The following TMTC1 variants were observed in gnomAD, a reference collection of about 807,000 sequenced individuals.
The protein encoded by TMTC1 is protein O-mannosyl-transferase TMTC1.
Under a neutral mutation model 104.8 loss-of-function variants are expected in TMTC1, and 73 were observed. That is an observed-to-expected ratio of 0.70 (90% CI 0.58 to 0.85). The LOEUF (loss-of-function observed/expected upper bound fraction) is 0.85, where lower values mean the gene tolerates loss of function less well. TMTC1 is among the 40% of genes least tolerant of loss of function. The probability of loss-of-function intolerance (pLI) is 0.00; values close to 1 mark genes in which losing one functional copy is unlikely to be tolerated. For missense variants in TMTC1, 1,035 were observed against 1,096.1 expected (o/e 0.94, Z 0.79); for synonymous variants, 434 against 428.7 (o/e 1.01, Z -0.15).
At chr12:29,550,156 G>GA (rs370985972) in intron 10 of TMTC1, among the ~76,000 whole-genome samples, 34 of 149,672 alleles carry the variant, frequency 2.3e-4, no homozygotes, top group Admixed American at 1.5e-3. Context: ...GTATGATAAT[G>GA]AAAAAAAAAA....
chr12:29,724,069 C>T (rs759342788), intron 5 of TMTC1, among the ~76,000 whole-genome samples: 18 of 152,048 alleles, frequency 1.2e-4, no homozygotes, highest in Non-Finnish European at 2.1e-4. Context: ...ACATTAACGA[C>T]CCTAAGAAAA....
intron 11 of TMTC1, chr12:29,521,048 G>A (rs1326866613): frequency 5.5e-6 from 1 of 182,198 alleles, no homozygotes; most frequent in Non-Finnish European, 1.1e-5. Flanking sequence ...GTTCGAATAG[G>A]ATGCCCTTCA....
rs566011954 is a variant in TMTC1 at position 29,516,127 on chromosome 12, A to G, written c.2307+222T>C. ...TGAAAACAAACTAAGACAATACCACATAAAAGCTTTACACCAAAGATAAGC... is the reference window on the plus strand; with the variant it reads ...TGAAAACAAACTAAGACAATACCACGTAAAAGCTTTACACCAAAGATAAGC... On this transcript the variant is annotated intron_variant, in intron 15 of 17. Transcript: ENST00000539277. Among the ~76,000 whole-genome samples the G allele has an allele frequency of 4.6e-5, 7 of 152,316 alleles. No individual in the cohort carries two copies. In the East Asian group the frequency reaches 9.7e-4, roughly 21 times the overall value.
At chr12:29,575,106 A>G (rs531503800) in intron 8 of TMTC1, among the ~76,000 whole-genome samples, 72 of 152,272 alleles carry the variant, frequency 4.7e-4, no homozygotes, top group Admixed American at 1.6e-3. Context: ...AAGATCACAC[A>G]GCTAGCAAGT....
At chr12:29,756,157 A>T (rs1340006639) in intron 3 of TMTC1, among the ~76,000 whole-genome samples, 1 of 152,252 alleles carries the variant, frequency 6.6e-6, no homozygotes, top group African/African-American at 2.4e-5. Context: ...ATATGAAAAG[A>T]TGTTTAAGTG....
chr12:29,597,139 T>G (rs1380632069), intron 7 of TMTC1, among the ~76,000 whole-genome samples: 1 of 152,180 alleles, frequency 6.6e-6, no homozygotes, highest in Non-Finnish European at 1.5e-5. Context: ...GCCCTCTCAG[T>G]GTCCAGGGCC....
At chr12:29,751,562 C>G in intron 5 of TMTC1, 104 bp downstream of exon 5, 1 of 1,183,932 alleles carries the variant, frequency 8.4e-7, no homozygotes, top group Non-Finnish European at 1.3e-6. Flanking sequence ...AGAGGGAGGT[C>G]ACAGTGTGCT....
intron 7 of TMTC1, among the ~76,000 whole-genome samples, chr12:29,588,435 T>C (rs1039270007): frequency 6.6e-6 from 1 of 152,224 alleles, no homozygotes; most frequent in Non-Finnish European, 1.5e-5. Flanking sequence ...CCCCTGTTCC[T>C]CTAGCCCCAG....
intron 5 of TMTC1, among the ~76,000 whole-genome samples, chr12:29,735,536 T>G (rs1222261308): frequency 1.3e-5 from 2 of 152,232 alleles, no homozygotes; most frequent in Non-Finnish European, 2.9e-5. Context: ...TGCAGAATTA[T>G]TTATTGGAAT....
chr12:29,735,141 C>T (rs956200090), intron 5 of TMTC1, among the ~76,000 whole-genome samples: 15 of 152,210 alleles, frequency 9.9e-5, no homozygotes, highest in African/African-American at 3.6e-4. Flanking sequence ...AGCATATAGA[C>T]CTGCATGAAG....
At chr12:29,726,701 T>C (rs1301606074) in intron 5 of TMTC1, among the ~76,000 whole-genome samples, 1 of 152,000 alleles carries the variant, frequency 6.6e-6, no homozygotes, top group Admixed American at 6.6e-5. Context: ...AAAAATTCCA[T>C]CCCTGGTTAA....
chr12:29,681,938 C>T (rs1399991525), intron 5 of TMTC1, among the ~76,000 whole-genome samples: 1 of 152,068 alleles, frequency 6.6e-6, no homozygotes, highest in Admixed American at 6.5e-5. Flanking sequence ...GGGTTTATTA[C>T]ACTTATTTTA....
chr12:29,764,340 A>G (rs754302788), intron 2 of TMTC1, among the ~76,000 whole-genome samples: 2 of 152,174 alleles, frequency 1.3e-5, no homozygotes, highest in African/African-American at 4.8e-5. Context: ...TACTATATGT[A>G]TAAGGCTATT....
intron 6 of TMTC1, among the ~76,000 whole-genome samples, chr12:29,606,089 C>T (rs1393107849): frequency 6.6e-6 from 1 of 152,190 alleles, no homozygotes; most frequent in Non-Finnish European, 1.5e-5. Context: ...ATATGTACTA[C>T]AATTTCCTTA....
intron 8 of TMTC1, among the ~76,000 whole-genome samples, chr12:29,580,586 A>G (rs1003899511): frequency 6.6e-6 from 1 of 152,184 alleles, no homozygotes; most frequent in Non-Finnish European, 1.5e-5. Flanking sequence ...GGAATGGTCT[A>G]TGGTTTATTG....
intron 15 of TMTC1, 63 bp from the exon 16 acceptor site, chr12:29,514,667 T>G (rs1486551281): frequency 6.5e-7 from 1 of 1,530,920 alleles, no homozygotes; most frequent in African/African-American, 1.4e-5. Context: ...CTTATTTAAC[T>G]GATCAAATTT....
chr12:29,756,392 T>C (rs1943217149), intron 3 of TMTC1, among the ~76,000 whole-genome samples: 1 of 152,206 alleles, frequency 6.6e-6, no homozygotes, highest in African/African-American at 2.4e-5. Context: ...ATCACCATCA[T>C]CATTATGGTA....
chr12:29,624,331 C>T (rs1937856171), intron 6 of TMTC1, among the ~76,000 whole-genome samples: 1 of 152,114 alleles, frequency 6.6e-6, no homozygotes, highest in Non-Finnish European at 1.5e-5. Flanking sequence ...CTTGGGCCCA[C>T]CAAGAAGAAA....
At chr12:29,678,199 C>T (rs899889520) in intron 5 of TMTC1, among the ~76,000 whole-genome samples, 19 of 152,308 alleles carry the variant, frequency 1.2e-4, no homozygotes, top group African/African-American at 3.8e-4. Flanking sequence ...ATATTTCAAA[C>T]TCACAATTTT....
Sources: allele counts gnomAD v4.1 joint callset (sites outside exome capture counted in the v4.1 genomes callset), GRCh38; gene constraint gnomAD v4.1.1; transcripts MANE v1.5; gene names NCBI Gene and HGNC (gene_info 2026-07-23, HGNC 2026-07-21).